The following MTSS1 variants were observed in gnomAD, a reference collection of about 807,000 sequenced individuals.
MTSS1 encodes MTSS I-BAR domain containing 1, also known as protein MTSS 1.
Under a neutral mutation model 79.0 loss-of-function variants are expected in MTSS1, and 18 were observed. That is an observed-to-expected ratio of 0.23 (90% CI 0.16 to 0.34). The LOEUF (loss-of-function observed/expected upper bound fraction) is 0.34, where lower values mean the gene tolerates loss of function less well. Among genes scored for constraint, MTSS1 ranks in the 10% least tolerant of loss-of-function variants. The pLI is 1.00. For missense variants in MTSS1, 815 were observed against 986.2 expected (o/e 0.83, Z 2.33); for synonymous variants, 341 against 368.6 (o/e 0.93, Z 0.86).
chr8:124,551,955 T>G lies in MTSS1; in HGVS notation c.*1037A>C, dbSNP rs1294671901. The G allele has an allele frequency of 2.0e-5, 3 of 152,568 alleles. No individual in the cohort carries two copies. The highest frequency in any genetic ancestry group is 7.2e-5 in the African/African-American group (3 of 41,422). The allele number at this position is 152,568 out of a possible 1,614,324, so 9.5% of individuals were successfully genotyped here. On this transcript the variant is annotated 3_prime_UTR_variant, in exon 14 of 14. Transcript: ENST00000518547. ...CTACCCTTGTCAAATCTGTTCGAGT[T>G]TTTTCAAAATACTTGGGCTTTTTAA...
intron 3 of MTSS1, among the ~76,000 whole-genome samples, chr8:124,642,188 C>T (rs922714258): frequency 5.9e-5 from 9 of 152,124 alleles, no homozygotes; most frequent in African/African-American, 2.2e-4. Context: ...AGAATACATG[C>T]TTTCAATTGT....
At chr8:124,577,559 A>T in intron 6 of MTSS1, 1 of 518,930 alleles carries the variant, frequency 1.9e-6, no homozygotes, top group Non-Finnish European at 3.8e-6. Context: ...TCTGAGTTAA[A>T]TTCAGACATC....
intron 1 of MTSS1, among the ~76,000 whole-genome samples, chr8:124,719,297 T>C (rs1354370821): frequency 1.3e-5 from 2 of 152,222 alleles, no homozygotes; most frequent in Non-Finnish European, 2.9e-5. Context: ...TAAGTTTGTG[T>C]CAAGCACTTA....
At position 124,681,787 on chromosome 8, in the gene MTSS1, C is replaced by T. The variant is rs1420876373; in HGVS notation, c.208+17739G>A. Among the ~76,000 whole-genome samples, 4 of 152,172 alleles carry T rather than the reference C, an allele frequency of 2.6e-5. No individual in the cohort carries two copies. In the South Asian group the frequency reaches 8.3e-4, roughly 32 times the overall value. On this transcript the variant is annotated intron_variant, in intron 3 of 13. Transcript: ENST00000518547. ...TCAGTGACAAGAGCAAAAAAAATGC[C>T]GTCTCAACAAAATAAAACAAAACAA...
At chr8:124,664,919 T>TC (rs1216175925) in intron 3 of MTSS1, among the ~76,000 whole-genome samples, 2 of 152,196 alleles carry the variant, frequency 1.3e-5, no homozygotes, top group East Asian at 3.8e-4. Flanking sequence ...GTTCATTCTT[T>TC]CCCCCCGACA....
At chr8:124,572,743 C>CTTTTTTTTTTTTTTTTT (rs747243821) in intron 6 of MTSS1, among the ~76,000 whole-genome samples, 1 of 123,668 alleles carries the variant, frequency 8.1e-6, no homozygotes, top group South Asian at 2.6e-4. Flanking sequence ...CTTTTCTTTT[C>CTTTTTTTTTTTTTTTTT]TTTTTTTTTT....
intron 3 of MTSS1, among the ~76,000 whole-genome samples, chr8:124,606,171 G>GTTTTTTTTT (rs11351219): frequency 2.3e-5 from 2 of 88,888 alleles, no homozygotes; most frequent in African/African-American, 4.4e-5. Flanking sequence ...TTGGTTTTTT[G>GTTTTTTTTT]TTTTTTTTTT....
intron 3 of MTSS1, among the ~76,000 whole-genome samples, chr8:124,641,166 C>G (rs1363102049): frequency 6.6e-6 from 1 of 152,030 alleles, no homozygotes; most frequent in East Asian, 1.9e-4. Context: ...GCCATCACAG[C>G]CCCCAGTGCC....
chr8:124,568,986 T>C, intron 6 of MTSS1: 1 of 513,780 alleles, frequency 1.9e-6, no homozygotes, highest in Non-Finnish European at 2.9e-6. Context: ...TCAAAGAGCC[T>C]CTGTCTGGAT....
intron 3 of MTSS1, among the ~76,000 whole-genome samples, chr8:124,686,311 AT>A (rs1368581863): frequency 6.6e-6 from 1 of 151,406 alleles, no homozygotes; most frequent in African/African-American, 2.4e-5. Flanking sequence ...TCCTATTCTC[AT>A]TTGACTTAAT....
chr8:124,553,822 TCTC>T lies in MTSS1; in HGVS notation c.1568-133_1568-131del. ...TCTCATCCCAAGCTTCCCCCAGGCT[TCTC>T]TACCATCTTCAGAAAGCCTCACCAA... On this transcript the variant is annotated intron_variant, in intron 13 of 13. Transcript: ENST00000518547. The surrounding 1 kb of genome is among the most constrained non-coding windows in gnomAD (Gnocchi z 6.0). 1.3e-6 allele frequency: 1 copy of T among 780,734 alleles called. No individual in the cohort carries two copies. The highest frequency in any genetic ancestry group is 2.0e-6 in the Non-Finnish European group (1 of 503,176). The allele number at this position is 780,734 out of a possible 1,614,324, so 48.4% of individuals were successfully genotyped here. A position where few individuals can be genotyped will look rare whatever the true frequency, so the allele number is the denominator to read the frequency against.
chr8:124,559,335 C>T (rs1180148581), intron 10 of MTSS1, among the ~76,000 whole-genome samples: 1 of 152,172 alleles, frequency 6.6e-6, no homozygotes. Context: ...TGGAATGGCT[C>T]GACTTCCTGG....
chr8:124,568,922 C>A, intron 6 of MTSS1: 1 of 1,281,054 alleles, frequency 7.8e-7, no homozygotes, highest in Non-Finnish European at 1.0e-6. Context: ...AAGGTAAGAG[C>A]CTGTGGGTGT....
chr8:124,558,104 C>G, intron 10 of MTSS1: 1 of 461,866 alleles, frequency 2.2e-6, no homozygotes, highest in South Asian at 4.0e-5. Context: ...CTATGTTTGA[C>G]CTACGTTTTA....
At chr8:124,698,393 A>C (rs542017842) in intron 3 of MTSS1, among the ~76,000 whole-genome samples, 1 of 152,316 alleles carries the variant, frequency 6.6e-6, no homozygotes, top group Admixed American at 6.5e-5. Flanking sequence ...CAGAAAGACA[A>C]GGCAAAGTAA....
chr8:124,590,209 G>A (rs531168241), intron 4 of MTSS1, among the ~76,000 whole-genome samples: 1 of 152,270 alleles, frequency 6.6e-6, no homozygotes, highest in South Asian at 2.1e-4. Context: ...TGGTGGGAGT[G>A]ACCCTTCTTC....
intron 3 of MTSS1, among the ~76,000 whole-genome samples, chr8:124,693,109 C>A (rs906120814): frequency 1.6e-4 from 24 of 152,004 alleles, no homozygotes; most frequent in Admixed American, 6.6e-4. Flanking sequence ...CTCAAGCATA[C>A]AAACAGGGTG....
At chr8:124,616,669 C>G (rs1836931668) in intron 3 of MTSS1, among the ~76,000 whole-genome samples, 1 of 152,184 alleles carries the variant, frequency 6.6e-6, no homozygotes, top group African/African-American at 2.4e-5. Flanking sequence ...TCTTCAGCAA[C>G]TTCCCTGTCT....
intron 7 of MTSS1, 127 bp from the exon 8 acceptor site, chr8:124,567,305 TGGCAAATCTTTGCTGAA>T: frequency 1.3e-6 from 1 of 791,902 alleles, no homozygotes; most frequent in Non-Finnish European, 2.0e-6. Flanking sequence ...CTGTTGGGAC[TGGCAAATCTTTGCTGAA>T]GGCACTACAT....
Sources: gnomAD v4.1 joint callset for allele counts (sites outside exome capture counted in the v4.1 genomes callset) on GRCh38, gnomAD v4.1.1 for gene constraint, Gnocchi (gnomAD v3.1) non-coding constraint, MANE v1.5 for transcripts, NCBI Gene and HGNC (gene_info 2026-07-23, HGNC 2026-07-21) for gene names.